Variants in KMT5C observed in about 807,000 individuals in gnomAD.
KMT5C encodes histone-lysine N-methyltransferase KMT5C.
KMT5C carries 16 observed loss-of-function variants against 38.2 expected under a neutral mutation model. The ratio of observed to expected loss-of-function variants is 0.42; its 90% CI spans 0.28 to 0.64. KMT5C has a LOEUF of 0.64. Ranked by LOEUF, KMT5C falls within the 30% of genes least tolerant of loss-of-function variation. The pLI is 0.23. For missense variants in KMT5C, 598 were observed against 665.1 expected, an observed-to-expected ratio of 0.90 and a Z score of 1.11; for synonymous variants, 291 against 279.0, an observed-to-expected ratio of 1.04 and a Z score of -0.43.
chr19:55,342,805 T>C lies in KMT5C; in HGVS notation c.340T>C (p.Tyr114His). The change falls in exon 4 of 9, where the codon TAC (tyrosine) becomes CAC (histidine). Residue 114 changes from tyrosine (Y) to histidine (H), a missense_variant. By Grantham distance (83) the Tyr-to-His change is moderately conservative. Transcript: ENST00000255613. ...SGFTILPCTR[Y>H]SMETNGAKIV... ...CTTTACCATCCTGCCCTGCACGCGC[T>C]ACTCCATGGAGACCAACGGGGCCAA... The C allele has an allele frequency of 6.2e-7, 1 of 1,613,494 alleles. No homozygotes were observed. The highest frequency in any genetic ancestry group is 8.5e-7 in the Non-Finnish European group (1 of 1,179,488).
rs753126440 is a variant in KMT5C at position 55,347,165 on chromosome 19, C to T, written c.1105C>T (p.Arg369Ter). 3 of 1,536,444 alleles carry T rather than the reference C, an allele frequency of 2.0e-6. No individual in the cohort carries two copies. The highest frequency in any genetic ancestry group is 1.2e-5 in the South Asian group (1 of 84,124). The stretch of plus-strand genomic sequence containing the variant: ...AGGCTGTGGCCCCCACTGCCGCCTG[C>T]GAGGAGAGGCCCTGGTGGCCCTGGG... Reference protein sequence around the residue: ...WGGCGPHCRLRGEALVALGQP... With the variant: ...WGGCGPHCRL Residue 369 changes from arginine to a stop codon, truncating the protein, a stop_gained, in exon 9 of 9, where the codon CGA (arginine) becomes TGA (stop). Transcript: ENST00000255613. LOFTEE classifies it high-confidence loss of function. This position sits in a 1 kb window ranked among gnomAD's most constrained non-coding sequence, Gnocchi z 4.6.
intron 1 of KMT5C, among the ~76,000 whole-genome samples, chr19:55,341,372 G>T (rs2089554630): frequency 1.3e-5 from 2 of 152,180 alleles, no homozygotes; most frequent in African/African-American, 4.8e-5. Flanking sequence ...GGGGAGGCAG[G>T]GGGCGGAGAC....
In KMT5C at chr19:55,342,268, T is replaced by C. The variant is rs2089566765; in HGVS notation, c.164T>C (p.Phe55Ser). The part of the protein sequence containing the change: ...QQHLRSALET[F>S]LRQRDLEAAY... Reference sequence around the variant, plus strand: ...CACCTGCGCTCAGCGCTGGAAACTTTCCTGAGGCAGCGGGACCTGGAGGCT... The same window carrying C: ...CACCTGCGCTCAGCGCTGGAAACTTCCCTGAGGCAGCGGGACCTGGAGGCT... The change falls in exon 3 of 9, where the codon TTC becomes TCC. Residue 55 changes from phenylalanine (F) to serine (S), a missense_variant. Transcript: ENST00000255613. 1 of 1,608,088 alleles carries C rather than the reference T, an allele frequency of 6.2e-7. No individual in the cohort carries two copies. The highest frequency in any genetic ancestry group is 8.5e-7 in the Non-Finnish European group (1 of 1,178,218).
rs745675081 is a variant in KMT5C, at chr19:55,347,441, G to C, written c.1381G>C (p.Glu461Gln). Residue 461 changes from glutamate (E) to glutamine (Q), a missense_variant, in exon 9 of 9, where the codon GAG becomes CAG. Glu to Gln is a conservative substitution (Grantham distance 29). Transcript: ENST00000255613. The surrounding 1 kb of genome is among the most constrained non-coding windows in gnomAD (Gnocchi z 4.6). ...CATCGACCTGGATGTCGGCGGTGAA[G>C]AGCTGTGACAGGCCGGACGGGGAGG... is the stretch of plus-strand genomic sequence containing the variant. ...GSIDLDVGGE[E>Q]L 7 of 1,538,700 alleles carry C rather than the reference G, an allele frequency of 4.5e-6. No individual in the cohort carries two copies. The South Asian group carries it at 6.1e-5, about 13-fold the overall frequency.
intron 1 of KMT5C, among the ~76,000 whole-genome samples, chr19:55,341,213 C>A (rs1245618274): frequency 2.4e-4 from 36 of 152,192 alleles, no homozygotes; most frequent in Admixed American, 2.4e-3. Context: ...CCCTCCCCAC[C>A]CCCGCTTTTG....
rs2089638338 is a variant in KMT5C at position 55,347,707 on chromosome 19, C to T, written c.*258C>T. On this transcript the variant is annotated 3_prime_UTR_variant, in exon 9 of 9. Transcript: ENST00000255613. The surrounding 1 kb of genome is among the most constrained non-coding windows in gnomAD (Gnocchi z 4.6). ...GCCCTCCCCACCCCTGCCCCAGCCT[C>T]AGGACTGCAGGAGCCATCCGCCCCC... is the stretch of plus-strand genomic sequence containing the variant. 5.6e-6 allele frequency: 3 copies of T among 530,976 alleles called. No homozygotes were observed. Among genetic ancestry groups the T allele is most frequent in the Non-Finnish European group, 6.3e-6 (2 of 316,242 alleles). The allele number at this position is 530,976 out of a possible 1,614,324, so 32.9% of individuals were successfully genotyped here.
rs1413250030 is a variant in KMT5C at position 55,348,104 on chromosome 19, AC to A, written c.*657del. On this transcript the variant is annotated 3_prime_UTR_variant, in exon 9 of 9. Transcript: ENST00000255613. ...CACTTGAACTTTTTATTTTATTAAAACCTTGTTATAAGCAGCACCCTTGGCG... is the reference window on the plus strand; with the variant it reads ...CACTTGAACTTTTTATTTTATTAAAACTTGTTATAAGCAGCACCCTTGGCG... 1 of 152,484 alleles carries A rather than the reference AC, an allele frequency of 6.6e-6. No homozygotes were observed. Among genetic ancestry groups the A allele is most frequent in the Non-Finnish European group, 1.5e-5 (1 of 68,022 alleles). 9.4% of individuals were successfully genotyped at this position (152,484 alleles called of 1,614,324 possible).
Position 55,343,016 on chromosome 19 carries a change from C to T in KMT5C, c.386+165C>T, listed in dbSNP as rs1033177485. 2 of 609,394 alleles carry T rather than the reference C, an allele frequency of 3.3e-6. No homozygotes were observed. Among genetic ancestry groups the T allele is most frequent in the Admixed American group, 5.2e-5 (2 of 38,572 alleles). The allele number at this position is 609,394 out of a possible 1,614,324, so 37.7% of individuals were successfully genotyped here. The stretch of plus-strand genomic sequence containing the variant: ...GGCTAATCCCGGAAGACCTTTGTGG[C>T]TACCGTGGTGCCGCTGGAGCAGGAG... On this transcript the variant is annotated intron_variant, in intron 4 of 8. Coordinates refer to ENST00000255613, the MANE Select transcript of KMT5C (RefSeq NM_032701.4). This position sits in a 1 kb window ranked among gnomAD's most constrained non-coding sequence, Gnocchi z 5.5.
At chr19:55,340,451 C>G (rs2123185258) in intron 1 of KMT5C, among the ~76,000 whole-genome samples, 1 of 152,124 alleles carries the variant, frequency 6.6e-6, no homozygotes, top group African/African-American at 2.4e-5. Flanking sequence ...AGAACCTCTC[C>G]CTGACCCCTC....
rs946407132 is a variant in KMT5C at position 55,341,833 on chromosome 19, G to A, written c.-104G>A. The stretch of plus-strand genomic sequence containing the variant: ...CTCACCAGCGTCCCCCATGGCTTCT[G>A]AGTAGCGTGGGAGTGGAGTCAGCAC... On this transcript the variant is annotated 5_prime_UTR_variant, in exon 2 of 9. Coordinates refer to ENST00000255613, the MANE Select transcript of KMT5C (RefSeq NM_032701.4). 2.4e-6 allele frequency: 2 copies of A among 832,720 alleles called. No homozygotes were observed. Among genetic ancestry groups the A allele is most frequent in the Non-Finnish European group, 4.1e-6 (2 of 492,906 alleles). 51.6% of individuals were successfully genotyped at this position (832,720 alleles called of 1,614,324 possible).
rs148499226 is a variant in KMT5C at position 55,346,802 on chromosome 19, G to A, written c.895+115G>A. On this transcript the variant is annotated intron_variant, in intron 8 of 8. Coordinates refer to ENST00000255613, the MANE Select transcript of KMT5C (RefSeq NM_032701.4). ...GGAACCCTCCCTCCCACCCTCAGTC[G>A]CTGGCAGGCCTCGCTGTTGAGCAGT... The A allele has an allele frequency of 2.5e-4, 205 of 811,654 alleles. No homozygotes were observed. The East Asian group carries it at 6.6e-3, about 26-fold the overall frequency. The allele number at this position is 811,654 out of a possible 1,614,324, so 50.3% of individuals were successfully genotyped here.
At chr19:55,340,281 C>T (rs1363372699) in intron 1 of KMT5C, among the ~76,000 whole-genome samples, 3 of 151,534 alleles carry the variant, frequency 2.0e-5, no homozygotes, top group Non-Finnish European at 4.4e-5. Flanking sequence ...CCTCACCCTC[C>T]AGGCCTCTCC....
At position 55,347,431 on chromosome 19, in the gene KMT5C, C is replaced by G; in HGVS notation, c.1371C>G (p.Val457=). Residue 457 remains valine, a synonymous_variant, in exon 9 of 9, where the codon GTC becomes GTG. Transcript: ENST00000255613. The surrounding 1 kb of genome is among the most constrained non-coding windows in gnomAD (Gnocchi z 4.6). ...VVSHGSIDLD[V]GGEEL ...GCCACGGCTCCATCGACCTGGATGT[C>G]GGCGGTGAAGAGCTGTGACAGGCCG... The G allele has an allele frequency of 6.5e-7, 1 of 1,546,980 alleles. No homozygotes were observed. Among genetic ancestry groups the G allele is most frequent in the Non-Finnish European group, 8.7e-7 (1 of 1,153,100 alleles).
In KMT5C at chr19:55,346,245, G is replaced by C; in HGVS notation, c.603G>C (p.Val201=). 1 of 1,614,044 alleles carries C rather than the reference G, an allele frequency of 6.2e-7. No individual in the cohort carries two copies. Among genetic ancestry groups the C allele is most frequent in the Non-Finnish European group, 8.5e-7 (1 of 1,179,964 alleles). The part of the protein sequence containing the change: ...FVPADGNAAC[V]KVLRDIEPGD... ...CTGCAGATGGGAACGCAGCCTGCGT[G>C]AAGGTGCTCCGGGACATTGAGCCTG... The change falls in exon 7 of 9, where the codon GTG becomes GTC. Residue 201 remains valine (V), a synonymous_variant. Transcript: ENST00000255613.
At chr19:55,342,562 C>T in intron 3 of KMT5C, 180 bp from the exon 4 acceptor site, 1 of 637,474 alleles carries the variant, frequency 1.6e-6, no homozygotes, top group South Asian at 1.9e-5. Context: ...TTGGGGGGGC[C>T]CTCTGAGATG....
rs1343411946 is a variant in KMT5C at position 55,343,351 on chromosome 19, G to T, written c.387-329G>T. ...GGAAGCACCCGCCTGAGGGTCTGGT[G>T]GGGCGAGTAGGGGGTAGTCCAGGCA... On this transcript the variant is annotated intron_variant, in intron 4 of 8. Transcript: ENST00000255613. The surrounding 1 kb of genome is among the most constrained non-coding windows in gnomAD (Gnocchi z 5.5). 5.1e-6 allele frequency: 2 copies of T among 391,790 alleles called. No homozygotes were observed. The highest frequency in any genetic ancestry group is 4.8e-5 in the East Asian group (1 of 20,704). 24.3% of individuals were successfully genotyped at this position (391,790 alleles called of 1,614,324 possible). A position where few individuals can be genotyped will look rare whatever the true frequency, so the allele number is the denominator to read the frequency against.
chr19:55,344,663 TGTG>T (rs1263191747), intron 6 of KMT5C: 1 of 515,824 alleles, frequency 1.9e-6, no homozygotes, highest in Admixed American at 2.1e-5. Context: ...CGCAGGCAGC[TGTG>T]GTGGCAGGAG....
In KMT5C at chr19:55,343,791, C is replaced by T; in HGVS notation, c.498C>T (p.Thr166=). The stretch of plus-strand genomic sequence containing the variant: ...ATGACTTCAGCATCATGTACTCAAC[C>T]CGCAAGCGGAGTGCTCAGCTGTGGC... ...GENDFSIMYS[T]RKRSAQLWLG... The change falls in exon 5 of 9, where the codon ACC becomes ACT. Residue 166 remains threonine (T), a synonymous_variant. Transcript: ENST00000255613. This position sits in a 1 kb window ranked among gnomAD's most constrained non-coding sequence, Gnocchi z 5.5. The T allele has an allele frequency of 6.2e-7, 1 of 1,613,246 alleles. No homozygotes were observed. The highest frequency in any genetic ancestry group is 2.2e-5 in the East Asian group (1 of 44,856).
chr19:55,341,698 G>A (rs2089559089), intron 1 of KMT5C, 96 bp from the exon 2 acceptor site: 1 of 562,502 alleles, frequency 1.8e-6, no homozygotes, highest in Non-Finnish European at 3.2e-6. Context: ...TGGCTGACAT[G>A]GCTCTGGGCT....
Sources: allele counts gnomAD v4.1 joint callset (sites outside exome capture counted in the v4.1 genomes callset), GRCh38; gene constraint gnomAD v4.1.1; non-coding constraint Gnocchi (gnomAD v3.1); transcripts MANE v1.5; gene names NCBI Gene and HGNC (gene_info 2026-07-23, HGNC 2026-07-21).